Variants in ERBB4 observed in about 807,000 individuals in gnomAD.
ERBB4 encodes erb-b2 receptor tyrosine kinase 4.
A neutral mutation model predicts 158.0 loss-of-function variants in ERBB4; 42 were observed. The ratio of observed to expected loss-of-function variants is 0.27; its 90% CI spans 0.21 to 0.34. ERBB4 has a LOEUF of 0.34. ERBB4 is among the 10% of genes least tolerant of loss of function. The pLI, the probability that ERBB4 is intolerant of heterozygous loss-of-function variation, is 1.00. For missense variants in ERBB4, 1,333 were observed against 1,624.1 expected (o/e 0.82, Z 3.08); for synonymous variants, 583 against 558.7 (o/e 1.04, Z -0.61).
intron 1 of ERBB4, among the ~76,000 whole-genome samples, chr2:212,396,327 T>G (rs2091025056): frequency 6.6e-6 from 1 of 152,244 alleles, no homozygotes; most frequent in Non-Finnish European, 1.5e-5. Flanking sequence ...TCTCAAAGCT[T>G]TTTAAAAGCC....
At chr2:211,707,055 T>C (rs1033566821) in intron 9 of ERBB4, among the ~76,000 whole-genome samples, 1 of 152,036 alleles carries the variant, frequency 6.6e-6, no homozygotes, top group Non-Finnish European at 1.5e-5. Flanking sequence ...AAAAGCAGAG[T>C]ATAGGACAGC....
intron 3 of ERBB4, among the ~76,000 whole-genome samples, chr2:211,872,709 C>T (rs2106119158): frequency 6.6e-6 from 1 of 151,980 alleles, no homozygotes; most frequent in South Asian, 2.1e-4. Flanking sequence ...ATTTATTTTC[C>T]AGTTTTCCTA....
At chr2:211,858,148 G>A (rs938411009) in intron 3 of ERBB4, among the ~76,000 whole-genome samples, 2 of 152,180 alleles carry the variant, frequency 1.3e-5, no homozygotes, top group African/African-American at 4.8e-5. Context: ...GAAAGAGAGT[G>A]TGGAAGAGGT....
intron 2 of ERBB4, among the ~76,000 whole-genome samples, chr2:211,979,356 C>G (rs1242611477): frequency 6.6e-6 from 1 of 152,088 alleles, no homozygotes; most frequent in Non-Finnish European, 1.5e-5. Flanking sequence ...ATTTGTATAT[C>G]AAGTTTATGT....
intron 1 of ERBB4, among the ~76,000 whole-genome samples, chr2:212,469,406 A>G (rs1245220162): frequency 2.0e-5 from 3 of 152,158 alleles, no homozygotes; most frequent in Non-Finnish European, 2.9e-5. Flanking sequence ...ATATTTCTAC[A>G]CTAACTGTAA....
intron 2 of ERBB4, among the ~76,000 whole-genome samples, chr2:211,972,290 G>A (rs1262306646): frequency 6.6e-6 from 1 of 152,210 alleles, no homozygotes; most frequent in Non-Finnish European, 1.5e-5. Flanking sequence ...CATGCTCATG[G>A]ATAGGAAGAA....
At chr2:211,543,581 TG>T (rs1440842135) in intron 20 of ERBB4, among the ~76,000 whole-genome samples, 1 of 151,914 alleles carries the variant, frequency 6.6e-6, no homozygotes, top group East Asian at 1.9e-4. Flanking sequence ...ACTTGACTTT[TG>T]TGGCATTTTT....
At chr2:211,492,766 C>T (rs1464375184) in intron 20 of ERBB4, among the ~76,000 whole-genome samples, 3 of 152,078 alleles carry the variant, frequency 2.0e-5, no homozygotes, top group Admixed American at 6.5e-5. Context: ...TAGCAATAAT[C>T]AGTAACTATT....
chr2:212,054,716 T>A (rs142990983), intron 2 of ERBB4, among the ~76,000 whole-genome samples: 2 of 152,272 alleles, frequency 1.3e-5, no homozygotes, highest in Non-Finnish European at 2.9e-5. Context: ...AGCCATCAGA[T>A]GCTTTTTCTG....
chr2:212,344,372 T>C (rs1293050376), intron 1 of ERBB4, among the ~76,000 whole-genome samples: 2 of 152,070 alleles, frequency 1.3e-5, no homozygotes, highest in African/African-American at 4.8e-5. Context: ...TCTCCAGACC[T>C]TGCTAAATGT....
At chr2:212,040,519 G>A (rs770461639) in intron 2 of ERBB4, among the ~76,000 whole-genome samples, 6 of 152,034 alleles carry the variant, frequency 3.9e-5, no homozygotes, top group East Asian at 1.9e-4. Context: ...ACTTCAGCAC[G>A]GATAAGAGTC....
chr2:212,157,929 C>T (rs2081090425), intron 1 of ERBB4, among the ~76,000 whole-genome samples: 1 of 152,010 alleles, frequency 6.6e-6, no homozygotes, highest in African/African-American at 2.4e-5. Context: ...GTCAGTGAAA[C>T]TAAATACACA....
At chr2:211,682,900 A>G (rs1453459245) in intron 12 of ERBB4, among the ~76,000 whole-genome samples, 1 of 151,738 alleles carries the variant, frequency 6.6e-6, no homozygotes, top group African/African-American at 2.4e-5. Context: ...TTAAGTTGAA[A>G]TAATTTATCT....
intron 3 of ERBB4, among the ~76,000 whole-genome samples, chr2:211,841,853 C>T (rs1379470385): frequency 2.0e-5 from 3 of 151,996 alleles, no homozygotes; most frequent in East Asian, 1.9e-4. Context: ...ATCAGTTGCA[C>T]AGTGGGAACT....
At chr2:212,438,713 T>G (rs923197579) in intron 1 of ERBB4, among the ~76,000 whole-genome samples, 18 of 152,146 alleles carry the variant, frequency 1.2e-4, no homozygotes, top group Non-Finnish European at 4.4e-5. Flanking sequence ...CCCGTTAATC[T>G]GTATATTTAA....
chr2:212,091,390 G>A (rs1309888397), intron 2 of ERBB4, among the ~76,000 whole-genome samples: 1 of 152,070 alleles, frequency 6.6e-6, no homozygotes, highest in Non-Finnish European at 1.5e-5. Context: ...TCAGGTGATT[G>A]GGATATGACT....
chr2:212,396,999 CTG>C (rs1264490028), intron 1 of ERBB4, among the ~76,000 whole-genome samples: 1 of 152,080 alleles, frequency 6.6e-6, no homozygotes, highest in African/African-American at 2.4e-5. Flanking sequence ...ATTTTAATGA[CTG>C]TATATTAATC....
chr2:211,555,488 G>A (rs1358363698), intron 20 of ERBB4, among the ~76,000 whole-genome samples: 2 of 152,172 alleles, frequency 1.3e-5, no homozygotes, highest in Non-Finnish European at 2.9e-5. Flanking sequence ...CCCAGCCTAA[G>A]TTTGTGTTTT....
chr2:212,482,354 T>C (rs959268875), intron 1 of ERBB4, among the ~76,000 whole-genome samples: 3 of 152,132 alleles, frequency 2.0e-5, no homozygotes, highest in African/African-American at 7.2e-5. Context: ...TGAATAAGGG[T>C]TTGAAATAAG....
Sources: allele counts gnomAD v4.1 joint callset (sites outside exome capture counted in the v4.1 genomes callset), GRCh38; gene constraint gnomAD v4.1.1; transcripts MANE v1.5; gene names NCBI Gene and HGNC (gene_info 2026-07-23, HGNC 2026-07-21).